WDR64: variants seen among roughly 807,000 people sequenced by gnomAD.
The protein encoded by WDR64 is WD repeat domain 64, also known as WD repeat-containing protein 64.
A neutral mutation model predicts 139.3 loss-of-function variants in WDR64; 112 were observed. The observed-to-expected ratio is 0.80, with a 90% CI of 0.69 to 0.94. The LOEUF (loss-of-function observed/expected upper bound fraction) is 0.94. WDR64 is among the 40% of genes least tolerant of loss of function. The pLI is 0.00. For synonymous variants in WDR64, 444 were observed against 437.7 expected, an observed-to-expected ratio of 1.01 and a Z score of -0.18; for missense variants, 1,206 against 1,293.1, an observed-to-expected ratio of 0.93 and a Z score of 1.03.
intron 8 of WDR64, among the ~76,000 whole-genome samples, chr1:241,702,678 A>G (rs1307159744): frequency 6.6e-6 from 1 of 152,226 alleles, no homozygotes; most frequent in Non-Finnish European, 1.5e-5. Context: ...CTGTTTTTAT[A>G]ACATCTGCAA....
chr1:241,717,699 T>TAAAG (rs1668458105), intron 9 of WDR64, among the ~76,000 whole-genome samples: 1 of 152,262 alleles, frequency 6.6e-6, no homozygotes, highest in African/African-American at 2.4e-5. Context: ...ATTTATAGTA[T>TAAAG]AAAGACCTAT....
intron 24 of WDR64, among the ~76,000 whole-genome samples, chr1:241,788,948 T>G (rs1032978199): frequency 6.6e-6 from 1 of 152,166 alleles, no homozygotes; most frequent in African/African-American, 2.4e-5. Flanking sequence ...TGTTCATATA[T>G]CCTAGTACTT....
chr1:241,705,028 G>T (rs1195701246), intron 8 of WDR64, among the ~76,000 whole-genome samples: 1 of 152,188 alleles, frequency 6.6e-6, no homozygotes, highest in Non-Finnish European at 1.5e-5. Context: ...GGGAGTGGCG[G>T]TTGGGGCGAG....
intron 5 of WDR64, among the ~76,000 whole-genome samples, chr1:241,678,453 A>G (rs1666645591): frequency 6.6e-6 from 1 of 151,910 alleles, no homozygotes; most frequent in Non-Finnish European, 1.5e-5. Context: ...GAAACTGGTT[A>G]CTCCTTGGAA....
At chr1:241,714,696 G>A (rs1214976053) in intron 9 of WDR64, among the ~76,000 whole-genome samples, 6 of 152,092 alleles carry the variant, frequency 3.9e-5, no homozygotes, top group Non-Finnish European at 4.4e-5. Flanking sequence ...GGTTCCAACA[G>A]TATTACAAAG....
In WDR64 at chr1:241,749,706, C is replaced by A; in HGVS notation, c.1754C>A (p.Thr585Asn). The change falls in exon 14 of 28, where the codon ACT becomes AAT. Residue 585 changes from threonine to asparagine, a missense_variant. Thr to Asn is a moderately conservative substitution (Grantham distance 65). Transcript: ENST00000437684. Reference sequence around the variant, plus strand: ...GTCCTGGCCTTGGAGCGCAACGGGACTATCAAAATGATCCAGGTTTACAAT... The same window carrying A: ...GTCCTGGCCTTGGAGCGCAACGGGAATATCAAAATGATCCAGGTTTACAAT... ...QLVLALERNG[T>N]IKMIQGKEDD... 1 of 1,613,922 alleles carries A rather than the reference C, an allele frequency of 6.2e-7. No homozygotes were observed. The highest frequency in any genetic ancestry group is 1.3e-5 in the African/African-American group (1 of 74,976).
At chr1:241,784,371 G>T (rs1221955314) in intron 23 of WDR64, among the ~76,000 whole-genome samples, 1 of 152,160 alleles carries the variant, frequency 6.6e-6, no homozygotes, top group Non-Finnish European at 1.5e-5. Context: ...TAGAGGAGTG[G>T]TAACAGCCTG....
rs565549739 is a variant in WDR64 at position 241,655,225 on chromosome 1, A to G, written c.145+2596A>G. On this transcript the variant is annotated intron_variant, in intron 1 of 27. Transcript: ENST00000437684. ...TGATGAAACCCTGTCTCTACTAAAA[A>G]TACAAAAATTAGCTGGGCATGGTGA... Among the ~76,000 whole-genome samples, 3 of 152,240 alleles carry G rather than the reference A, an allele frequency of 2.0e-5. No homozygotes were observed. The East Asian group carries it at 5.8e-4, about 29-fold the overall frequency.
rs1666696187 is a variant in WDR64 at position 241,679,593 on chromosome 1, C to T, written c.622C>T (p.Gln208Ter). Residue 208 changes from glutamine (Q) to a stop codon, truncating the protein, a stop_gained and splice_region_variant, in exon 6 of 28, where the codon CAG becomes TAG. Transcript: ENST00000437684. LOFTEE classifies it high-confidence loss of function. ...GGATTATAAAGCTCAAGGGAGCAGC[C>T]AGGTATTGTGCCAAGAGAAATACTC... ...VWDYKAQGSS[Q>*]ENYFVIKPMD... 6.4e-7 allele frequency: 1 copy of T among 1,551,186 alleles called. No individual in the cohort carries two copies. Among genetic ancestry groups the T allele is most frequent in the African/African-American group, 1.4e-5 (1 of 73,024 alleles).
chr1:241,798,305 T>A (rs1659425879), intron 27 of WDR64, among the ~76,000 whole-genome samples: 1 of 152,184 alleles, frequency 6.6e-6, no homozygotes, highest in Non-Finnish European at 1.5e-5. Flanking sequence ...AATTGAAAAA[T>A]CCTCACATAA....
chr1:241,661,517 C>A (rs1234450515), intron 2 of WDR64, among the ~76,000 whole-genome samples: 2 of 151,974 alleles, frequency 1.3e-5, no homozygotes, highest in Non-Finnish European at 2.9e-5. Context: ...ATGCATGTTT[C>A]TATAATGTAG....
Position 241,744,957 on chromosome 1 carries a change from T to C in WDR64, c.1594+441T>C, listed in dbSNP as rs551977557. On this transcript the variant is annotated intron_variant, in intron 13 of 27. Coordinates refer to ENST00000437684, the MANE Select transcript of WDR64 (RefSeq NM_001367482.1). ...TCACATTACTCCTATATTGGAATTCTATATTGGCATTGTTCATATGTCTAG... is the reference window on the plus strand; with the variant it reads ...TCACATTACTCCTATATTGGAATTCCATATTGGCATTGTTCATATGTCTAG... Among the ~76,000 whole-genome samples the C allele has an allele frequency of 2.4e-3, 368 of 152,354 alleles. 3 individuals are homozygous for C. The highest frequency in any genetic ancestry group is 2.9e-3 in the Non-Finnish European group (200 of 68,028).
rs1669549034 is a variant in WDR64, at chr1:241,741,667, A to C, written c.1470+3A>C. ...TCTGCTCTGAATCCATAATTAGGGT[A>C]AGTACCTATTGGCTTTTCAAACAGA... On this transcript the variant is annotated splice_donor_region_variant and intron_variant, in intron 12 of 27. Coordinates refer to ENST00000437684, the MANE Select transcript of WDR64 (RefSeq NM_001367482.1). 1 of 1,597,902 alleles carries C rather than the reference A, an allele frequency of 6.3e-7. No homozygotes were observed. The highest frequency in any genetic ancestry group is 1.8e-5 in the Admixed American group (1 of 56,500).
At position 241,771,742 on chromosome 1, in the gene WDR64, T is replaced by G. The variant is rs780524206; in HGVS notation, c.2290+45T>G. On this transcript the variant is annotated intron_variant, in intron 19 of 27. Transcript: ENST00000437684. Reference sequence around the variant, plus strand: ...TCTTCTTTATAATAAAGCAACTCCTTTGCAAGAGGGCATTTAGGTGACAGA... The same window carrying G: ...TCTTCTTTATAATAAAGCAACTCCTGTGCAAGAGGGCATTTAGGTGACAGA... The G allele has an allele frequency of 9.0e-6, 12 of 1,331,924 alleles. No individual in the cohort carries two copies. In the South Asian group the frequency reaches 2.1e-4, roughly 24 times the overall value. The allele number at this position is 1,331,924 out of a possible 1,614,324, so 82.5% of individuals were successfully genotyped here. A position where few individuals can be genotyped will look rare whatever the true frequency, so the allele number is the denominator to read the frequency against.
chr1:241,790,013 A>G (rs1185924242), intron 24 of WDR64, among the ~76,000 whole-genome samples: 1 of 152,130 alleles, frequency 6.6e-6, no homozygotes, highest in African/African-American at 2.4e-5. Context: ...AGTTCCTAAT[A>G]TAGAGTTTCC....
At chr1:241,743,404 C>A (rs1238089878) in intron 12 of WDR64, among the ~76,000 whole-genome samples, 1 of 152,166 alleles carries the variant, frequency 6.6e-6, no homozygotes, top group East Asian at 1.9e-4. Flanking sequence ...TAGGGCCAGA[C>A]TGACTTCACT....
At chr1:241,778,202 G>A (rs1658730537) in intron 21 of WDR64, among the ~76,000 whole-genome samples, 1 of 152,104 alleles carries the variant, frequency 6.6e-6, no homozygotes, top group Non-Finnish European at 1.5e-5. Context: ...TACACATTAA[G>A]GATGGTCAAA....
intron 10 of WDR64, among the ~76,000 whole-genome samples, chr1:241,734,741 T>C (rs1035448436): frequency 6.6e-6 from 1 of 152,108 alleles, no homozygotes; most frequent in Non-Finnish European, 1.5e-5. Context: ...TTATAATTGC[T>C]AATTGCTATT....
chr1:241,691,955 G>A (rs527913708), intron 8 of WDR64, among the ~76,000 whole-genome samples: 1 of 151,528 alleles, frequency 6.6e-6, no homozygotes, highest in Non-Finnish European at 1.5e-5. Context: ...AGAGGTTGCC[G>A]TAAGCCGAGA....
Sources: gnomAD v4.1 joint callset for allele counts (sites outside exome capture counted in the v4.1 genomes callset) on GRCh38, gnomAD v4.1.1 for gene constraint, MANE v1.5 for transcripts, NCBI Gene and HGNC (gene_info 2026-07-23, HGNC 2026-07-21) for gene names.